RGS13: variants seen among roughly 807,000 people sequenced by gnomAD.
RGS13 encodes the protein regulator of G-protein signalling 13.
A neutral mutation model predicts 19.9 loss-of-function variants in RGS13; 14 were observed. That is an observed-to-expected ratio of 0.70 (90% CI 0.46 to 1.10). The LOEUF (loss-of-function observed/expected upper bound fraction) is 1.10, where lower values mean the gene tolerates loss of function less well. Ranked by LOEUF, RGS13 falls within the 50% of genes least tolerant of loss-of-function variation. The probability of loss-of-function intolerance (pLI) is 0.00; values close to 1 mark genes in which losing one functional copy is unlikely to be tolerated. For missense variants in RGS13, 205 were observed against 187.1 expected, an observed-to-expected ratio of 1.10 and a Z score of -0.56; for synonymous variants, 60 against 56.8, an observed-to-expected ratio of 1.06 and a Z score of -0.25.
Position 192,644,353 on chromosome 1 carries a change from T to A in RGS13, c.19T>A (p.Trp7Arg). The change falls in exon 4 of 7, where the codon TGG becomes AGG. Residue 7 changes from tryptophan to arginine, a missense_variant. By Grantham distance (101) the Trp-to-Arg change is moderately radical. Transcript: ENST00000391995. MSRRNC[W>R]ICKMCRDESK... ...TAGAAAAATGAGCAGGCGGAATTGT[T>A]GGATTTGTAAGATGTGCAGAGATGA... The A allele has an allele frequency of 6.2e-7, 1 of 1,611,488 alleles. No individual in the cohort carries two copies. The highest frequency in any genetic ancestry group is 8.5e-7 in the Non-Finnish European group (1 of 1,178,286).
At chr1:192,655,982 A>G (rs1170081101) in intron 5 of RGS13, among the ~76,000 whole-genome samples, 1 of 152,104 alleles carries the variant, frequency 6.6e-6, no homozygotes, top group Non-Finnish European at 1.5e-5. Flanking sequence ...CCATTTGGCC[A>G]GCCCAAAAAA....
rs1233488734 is a variant in RGS13 at position 192,650,229 on chromosome 1, G to A, written c.127+2242G>A. 1.3e-5 allele frequency among the ~76,000 whole-genome samples: 2 copies of A among 152,058 alleles called. 1 individual carries two copies. The highest frequency in any genetic ancestry group is 2.9e-5 in the Non-Finnish European group (2 of 67,992). Reference sequence around the variant, plus strand: ...GTCATGAGAATAAGCAAAGGCTCTAGCAAAGATGAGAATAGGAAAACATCA... The same window carrying A: ...GTCATGAGAATAAGCAAAGGCTCTAACAAAGATGAGAATAGGAAAACATCA... On this transcript the variant is annotated intron_variant, in intron 5 of 6. Transcript: ENST00000391995.
At chr1:192,641,624 T>C (rs1296922744) in intron 3 of RGS13, among the ~76,000 whole-genome samples, 1 of 152,194 alleles carries the variant, frequency 6.6e-6, no homozygotes, top group Non-Finnish European at 1.5e-5. Flanking sequence ...GGCCACTCTT[T>C]CCTTTTTGAT....
intron 5 of RGS13, among the ~76,000 whole-genome samples, chr1:192,649,515 T>G (rs1280758185): frequency 6.6e-6 from 1 of 152,174 alleles, no homozygotes; most frequent in African/African-American, 2.4e-5. Flanking sequence ...AATTGGTAGT[T>G]TCTTTTAATA....
intron 3 of RGS13, among the ~76,000 whole-genome samples, chr1:192,643,736 G>A (rs1427977581): frequency 2.6e-5 from 4 of 152,122 alleles, no homozygotes; most frequent in Non-Finnish European, 1.5e-5. Context: ...GGTTGTTTGG[G>A]CCCAGGAGTT....
intron 3 of RGS13, among the ~76,000 whole-genome samples, chr1:192,639,939 AT>A (rs1663077748): frequency 6.6e-6 from 1 of 152,294 alleles, no homozygotes; most frequent in East Asian, 1.9e-4. Context: ...ATTTCATTAA[AT>A]TTATAAAAGA....
intron 3 of RGS13, among the ~76,000 whole-genome samples, chr1:192,643,221 T>A (rs1571579919): frequency 1.3e-5 from 2 of 152,062 alleles, no homozygotes; most frequent in African/African-American, 2.4e-5. Flanking sequence ...AAGATGTATA[T>A]TGATCACAGG....
rs759323270 is a variant in RGS13, at chr1:192,659,435, A to T, written c.392A>T (p.His131Leu). ...GAAGCTCAGAAAATAGTCTATATGC[A>T]TATGGAAAGGGATTCCTACCCCAGA... is the stretch of plus-strand genomic sequence containing the variant. The part of the protein sequence containing the change: ...FEEAQKIVYM[H>L]MERDSYPRFL... Residue 131 changes from histidine (H) to leucine (L), a missense_variant, in exon 7 of 7, where the codon CAT becomes CTT. Transcript: ENST00000391995. 9.9e-6 allele frequency: 16 copies of T among 1,612,948 alleles called. No individual in the cohort carries two copies. The highest frequency in any genetic ancestry group is 1.3e-5 in the African/African-American group (1 of 75,024).
At chr1:192,637,880 A>C (rs1393831023) in intron 2 of RGS13, among the ~76,000 whole-genome samples, 4 of 152,088 alleles carry the variant, frequency 2.6e-5, no homozygotes, top group African/African-American at 7.2e-5. Flanking sequence ...TATCAATAGG[A>C]TGTTTTAATC....
chr1:192,656,345 G>GTT (rs10544389), intron 5 of RGS13, among the ~76,000 whole-genome samples: 5 of 141,126 alleles, frequency 3.5e-5, no homozygotes, highest in African/African-American at 1.3e-4. Context: ...TTAACATTCT[G>GTT]TTTTTTTTTT....
intron 5 of RGS13, among the ~76,000 whole-genome samples, chr1:192,653,159 TA>T (rs756053593): frequency 4.1e-4 from 62 of 151,796 alleles, no homozygotes; most frequent in Non-Finnish European, 7.2e-4. Flanking sequence ...CTTCAGTATA[TA>T]AAGAGATCTG....
chr1:192,636,714 C>T (rs566749167), intron 1 of RGS13, among the ~76,000 whole-genome samples: 1 of 151,862 alleles, frequency 6.6e-6, no homozygotes, highest in Non-Finnish European at 1.5e-5. Flanking sequence ...TTAGTTCCAT[C>T]CTTTGTTAAC....
intron 4 of RGS13, chr1:192,645,617 T>G (rs969430398): frequency 2.6e-5 from 4 of 152,128 alleles, no homozygotes; most frequent in Non-Finnish European, 5.9e-5. Flanking sequence ...TGGTATCCAC[T>G]GCCCATCCGC....
chr1:192,659,294 C>A, intron 6 of RGS13, 44 bp from the exon 7 acceptor site: 1 of 1,473,760 alleles, frequency 6.8e-7, no homozygotes, highest in Non-Finnish European at 9.3e-7. Flanking sequence ...GCCTTTTTTT[C>A]AACTATGCTA....
chr1:192,640,866 CCTT>C (rs1663091634), intron 3 of RGS13, among the ~76,000 whole-genome samples: 1 of 152,154 alleles, frequency 6.6e-6, no homozygotes, highest in Non-Finnish European at 1.5e-5. Flanking sequence ...TCTAGCCCCT[CCTT>C]CTTCTTCAGG....
chr1:192,641,290 GAAAGAAAGAAAGAA>G (rs938722091), intron 3 of RGS13, among the ~76,000 whole-genome samples: 2 of 110,444 alleles, frequency 1.8e-5, no homozygotes, highest in African/African-American at 5.5e-5. Context: ...AAGAAAGAAA[GAAAGAAAGAAAGAA>G]AGAAAAGAAA....
In RGS13 at chr1:192,660,104, G is replaced by C. The variant is rs1415072187; in HGVS notation, c.*581G>C. On this transcript the variant is annotated 3_prime_UTR_variant, in exon 7 of 7. Coordinates refer to ENST00000391995, the MANE Select transcript of RGS13 (RefSeq NM_002927.5). Reference sequence around the variant, plus strand: ...CTTCTACATGTAAAACATTTCTGATGATTTTTTAACAAAAAATATATGAAT... The same window carrying C: ...CTTCTACATGTAAAACATTTCTGATCATTTTTTAACAAAAAATATATGAAT... 3 of 151,960 alleles carry C rather than the reference G, an allele frequency of 2.0e-5. No homozygotes were observed. The highest frequency in any genetic ancestry group is 4.4e-5 in the Non-Finnish European group (3 of 67,946). 9.4% of individuals were successfully genotyped at this position (151,960 alleles called of 1,614,324 possible). A position where few individuals can be genotyped will look rare whatever the true frequency, so the allele number is the denominator to read the frequency against.
At chr1:192,653,014 T>C (rs1314538979) in intron 5 of RGS13, among the ~76,000 whole-genome samples, 1 of 152,088 alleles carries the variant, frequency 6.6e-6, no homozygotes. Context: ...CAGAGGAAAT[T>C]GAAAGCAGGA....
At position 192,650,905 on chromosome 1, in the gene RGS13, G is replaced by C. The variant is rs117417514; in HGVS notation, c.127+2918G>C. 2.5e-3 allele frequency among the ~76,000 whole-genome samples: 377 copies of C among 152,046 alleles called. 12 individuals carry two copies. The East Asian group carries it at 0.064, about 26-fold the overall frequency. On this transcript the variant is annotated intron_variant, in intron 5 of 6. Coordinates refer to ENST00000391995, the MANE Select transcript of RGS13 (RefSeq NM_002927.5). ...AATGTAACCAAATAGAACTAAAGTA[G>C]AGAGACTAGCTAGAAGGCTGCTACA...
Sources: gnomAD v4.1 joint callset for allele counts (sites outside exome capture counted in the v4.1 genomes callset) on GRCh38, gnomAD v4.1.1 for gene constraint, MANE v1.5 for transcripts, NCBI Gene and HGNC (gene_info 2026-07-23, HGNC 2026-07-21) for gene names.